CCDC7: variants seen among roughly 807,000 people sequenced by gnomAD.
CCDC7 encodes the protein coiled-coil domain-containing protein 7.
In CCDC7, 183 loss-of-function variants were observed where a neutral mutation model predicts 196.9. That is an observed-to-expected ratio of 0.93 (90% CI 0.82 to 1.05). CCDC7 has a LOEUF of 1.05. Among genes scored for constraint, CCDC7 ranks in the 50% least tolerant of loss-of-function variants. The pLI is 0.00. For synonymous variants in CCDC7, 525 were observed against 484.6 expected (o/e 1.08, Z -1.10); for missense variants, 1,540 against 1,482.2 (o/e 1.04, Z -0.64).
At chr10:32,641,552 T>A (rs901705519) in intron 20 of CCDC7, among the ~76,000 whole-genome samples, 1 of 152,196 alleles carries the variant, frequency 6.6e-6, no homozygotes, top group South Asian at 2.1e-4. Flanking sequence ...TAGCCATTCA[T>A]CTAATTGTTT....
intron 20 of CCDC7, among the ~76,000 whole-genome samples, chr10:32,642,600 C>T (rs2067030336): frequency 6.6e-6 from 1 of 152,214 alleles, no homozygotes. Context: ...ACCCTTTGCA[C>T]TTCCCAGGTG....
chr10:32,501,534 TGTGAGGTTG>T (rs2044034804), intron 9 of CCDC7, among the ~76,000 whole-genome samples: 1 of 152,302 alleles, frequency 6.6e-6, no homozygotes, highest in South Asian at 2.1e-4. Context: ...ACATTTGGTC[TGTGAGGTTG>T]GTGATGTTGA....
chr10:32,596,003 G>A (rs982612501), intron 18 of CCDC7, among the ~76,000 whole-genome samples: 7 of 152,140 alleles, frequency 4.6e-5, no homozygotes, highest in Non-Finnish European at 1.0e-4. Flanking sequence ...GTGGTGCTGA[G>A]AAGAATGTAT....
At chr10:32,612,603 A>G (rs114843368) in intron 18 of CCDC7, among the ~76,000 whole-genome samples, 5,410 of 152,144 alleles carry the variant, frequency 0.036, 330 homozygotes, top group African/African-American at 0.12. Context: ...ATCCATACCT[A>G]GTTTATTAGT....
At chr10:32,548,561 T>C (rs2052910842) in intron 13 of CCDC7, among the ~76,000 whole-genome samples, 1 of 152,204 alleles carries the variant, frequency 6.6e-6, no homozygotes, top group Admixed American at 6.5e-5. Flanking sequence ...CCTGATACAT[T>C]GGTTCTTTGG....
At chr10:32,665,525 G>C (rs1239893406) in intron 21 of CCDC7, among the ~76,000 whole-genome samples, 1 of 152,000 alleles carries the variant, frequency 6.6e-6, no homozygotes, top group African/African-American at 2.4e-5. Context: ...TCTTCTGCAT[G>C]TGGATATCTA....
At chr10:32,453,001 C>G (rs1316590662) in intron 1 of CCDC7, among the ~76,000 whole-genome samples, 1 of 152,148 alleles carries the variant, frequency 6.6e-6, no homozygotes, top group East Asian at 1.9e-4. Flanking sequence ...TCCCCTAACT[C>G]TCTTCAGAGG....
At chr10:32,876,852 T>C (rs2094608642), downstream of CCDC7, 1 of 153,474 alleles carries the variant, frequency 6.5e-6, no homozygotes, top group Non-Finnish European at 1.4e-5. Flanking sequence ...CAATCAAATG[T>C]TTTATAACAC....
At chr10:32,839,332 G>C (rs1342744465) in intron 33 of CCDC7, among the ~76,000 whole-genome samples, 1 of 151,720 alleles carries the variant, frequency 6.6e-6, no homozygotes, top group Non-Finnish European at 1.5e-5. Context: ...TGTGCAAATG[G>C]ACATCAAAAG....
chr10:32,651,302 A>G (rs1486495429), intron 20 of CCDC7, among the ~76,000 whole-genome samples: 1 of 152,130 alleles, frequency 6.6e-6, no homozygotes, highest in African/African-American at 2.4e-5. Context: ...AGGTGCTCCA[A>G]CTTGGGTTCC....
chr10:32,855,792 C>A (rs550948633), intron 41 of CCDC7, among the ~76,000 whole-genome samples: 2 of 152,226 alleles, frequency 1.3e-5, no homozygotes, highest in African/African-American at 4.8e-5. Context: ...TGACAAAGAA[C>A]AAAATTGAAA....
chr10:32,662,160 A>G (rs1264992470), intron 20 of CCDC7, among the ~76,000 whole-genome samples: 3 of 152,164 alleles, frequency 2.0e-5, no homozygotes, highest in Admixed American at 6.6e-5. Flanking sequence ...AAGTCTCACA[A>G]TCACTGCACT....
intron 28 of CCDC7, among the ~76,000 whole-genome samples, chr10:32,737,235 T>C (rs1052750350): frequency 6.6e-6 from 1 of 152,186 alleles, no homozygotes; most frequent in South Asian, 2.1e-4. Flanking sequence ...TAATTCTTTT[T>C]ATACATTGTT....
chr10:32,624,395 C>T (rs914019520), intron 18 of CCDC7, among the ~76,000 whole-genome samples: 1 of 152,128 alleles, frequency 6.6e-6, no homozygotes, highest in African/African-American at 2.4e-5. Flanking sequence ...TTGTAGCAGT[C>T]AACAGTTCTA....
intron 18 of CCDC7, among the ~76,000 whole-genome samples, chr10:32,594,244 C>A (rs148330008): frequency 0.024 from 3,629 of 152,234 alleles, 167 homozygotes; most frequent in African/African-American, 0.082. Flanking sequence ...GTTTGTAGTT[C>A]TCTTTGAAGA....
At chr10:32,492,923 T>C (rs1322799549) in intron 9 of CCDC7, among the ~76,000 whole-genome samples, 3 of 152,158 alleles carry the variant, frequency 2.0e-5, no homozygotes, top group Non-Finnish European at 2.9e-5. Context: ...GTAAACTCAT[T>C]TAATTTCTTT....
intron 11 of CCDC7, among the ~76,000 whole-genome samples, chr10:32,520,542 T>C (rs1343086666): frequency 6.6e-6 from 1 of 152,124 alleles, no homozygotes; most frequent in African/African-American, 2.4e-5. Context: ...TATTTGAATC[T>C]TTTACCCATT....
chr10:32,854,228 GA>G (rs1308147550), intron 40 of CCDC7, among the ~76,000 whole-genome samples, 171 bp from the exon 42 acceptor site: 3 of 151,880 alleles, frequency 2.0e-5, no homozygotes, highest in Admixed American at 2.0e-4. Flanking sequence ...TACCAGGCAA[GA>G]AAAAAATCAG....
chr10:32,485,588 G>A (rs1341773796), intron 8 of CCDC7, among the ~76,000 whole-genome samples: 2 of 152,114 alleles, frequency 1.3e-5, no homozygotes, highest in African/African-American at 4.8e-5. Flanking sequence ...TGTGATGTTA[G>A]GGTGTCCATT....
Sources: gnomAD v4.1 joint callset for allele counts (sites outside exome capture counted in the v4.1 genomes callset) on GRCh38, gnomAD v4.1.1 for gene constraint, MANE v1.5 for transcripts, NCBI Gene and HGNC (gene_info 2026-07-23, HGNC 2026-07-21) for gene names.